The following NDUFS1 variants were observed in gnomAD, a reference collection of about 807,000 sequenced individuals.
NDUFS1 encodes NADH:ubiquinone oxidoreductase core subunit S1, also known as NADH-ubiquinone oxidoreductase 75 kDa subunit, mitochondrial.
NDUFS1 carries 61 observed loss-of-function variants against 84.4 expected under a neutral mutation model. That is an observed-to-expected ratio of 0.72 (90% CI 0.59 to 0.89). The LOEUF (loss-of-function observed/expected upper bound fraction) is 0.89, where lower values mean the gene tolerates loss of function less well. NDUFS1 is among the 40% of genes least tolerant of loss of function. The probability of loss-of-function intolerance (pLI) is 0.00; values close to 1 mark genes in which losing one functional copy is unlikely to be tolerated. For synonymous variants in NDUFS1, 275 were observed against 290.0 expected, an observed-to-expected ratio of 0.95 and a Z score of 0.53; for missense variants, 891 against 890.0, an observed-to-expected ratio of 1.00 and a Z score of -0.01.
intron 8 of NDUFS1, 130 bp downstream of exon 8, chr2:206,146,773 G>A: frequency 1.2e-6 from 1 of 801,974 alleles, no homozygotes; most frequent in African/African-American, 1.7e-5. Context: ...CTATTTAAAG[G>A]GTTTTACATA....
rs770380588 is a variant in NDUFS1, at chr2:206,146,904, T to G, written c.736A>C (p.Arg246=). ...AAATTGTCATAAAATAAAAGATACCTTGTTTCCCAAGGCCGGGCAGTAAAG... is the reference window on the plus strand; with the variant it reads ...AAATTGTCATAAAATAAAAGATACCGTGTTTCCCAAGGCCGGGCAGTAAAG... ...YAFTARPWET[R]KTESIDVMDA... Residue 246 remains arginine, a splice_region_variant and synonymous_variant, in exon 8 of 19, where the codon AGA becomes CGA. Coordinates refer to ENST00000233190, the MANE Select transcript of NDUFS1 (RefSeq NM_005006.7). The G allele has an allele frequency of 7.7e-5, 125 of 1,613,436 alleles. No homozygotes were observed. Among genetic ancestry groups the G allele is most frequent in the Non-Finnish European group, 1.0e-4 (122 of 1,179,546 alleles).
chr2:206,152,588 A>T, intron 2 of NDUFS1, 78 bp from the exon 3 acceptor site: 2 of 1,241,050 alleles, frequency 1.6e-6, no homozygotes, highest in Non-Finnish European at 2.4e-6. Context: ...ATTGACTCTA[A>T]CTACAAACCT....
At chr2:206,143,967 G>T in intron 10 of NDUFS1, 51 bp downstream of exon 10, 1 of 1,440,920 alleles carries the variant, frequency 6.9e-7, no homozygotes. Context: ...TGGCAAAGAT[G>T]TTTCTTGATA....
At chr2:206,130,331 A>G (rs1004696444) in intron 14 of NDUFS1, 89 bp from the exon 15 acceptor site, 1 of 1,473,290 alleles carries the variant, frequency 6.8e-7, no homozygotes, top group Non-Finnish European at 9.3e-7. Flanking sequence ...TCCTTTCAAC[A>G]ATGTCAAAAA....
At chr2:206,158,242 G>T (rs970550363) in intron 1 of NDUFS1, among the ~76,000 whole-genome samples, 1 of 152,168 alleles carries the variant, frequency 6.6e-6, no homozygotes, top group Non-Finnish European at 1.5e-5. Flanking sequence ...GATTACAGGA[G>T]TGAGCCACCG....
intron 12 of NDUFS1, among the ~76,000 whole-genome samples, chr2:206,139,882 A>AAAC (rs1553505084): frequency 8.6e-5 from 13 of 151,232 alleles, no homozygotes; most frequent in African/African-American, 2.9e-4. Context: ...AAAAAAAAAA[A>AAAC]AAAAAAAAAG....
At chr2:206,131,447 C>T (rs1437128486) in intron 14 of NDUFS1, among the ~76,000 whole-genome samples, 1 of 151,998 alleles carries the variant, frequency 6.6e-6, no homozygotes, top group African/African-American at 2.4e-5. Flanking sequence ...GCAATGAAAA[C>T]CTATTGAAAC....
chr2:206,144,000 A>G lies in NDUFS1; in HGVS notation c.987+18T>C. On this transcript the variant is annotated intron_variant, in intron 10 of 18. Coordinates refer to ENST00000233190, the MANE Select transcript of NDUFS1 (RefSeq NM_005006.7). ...ATAATCACAAACACTATTTAACACT[A>G]TTTATTTCAAATTTTACCATTCCAG... The G allele has an allele frequency of 1.3e-6, 2 of 1,560,008 alleles. No individual in the cohort carries two copies. Among genetic ancestry groups the G allele is most frequent in the Non-Finnish European group, 1.8e-6 (2 of 1,131,144 alleles).
intron 18 of NDUFS1, 60 bp from the exon 19 acceptor site, chr2:206,124,336 A>T: frequency 7.9e-7 from 1 of 1,263,762 alleles, no homozygotes; most frequent in Admixed American, 1.7e-5. Flanking sequence ...GCACATACTA[A>T]AACTTTAATG....
rs796444777 is a variant in NDUFS1, at chr2:206,143,917, T to C, written c.987+101A>G. 1.5e-5 allele frequency: 14 copies of C among 963,232 alleles called. No individual in the cohort carries two copies. The African/African-American group carries it at 2.5e-4, about 17-fold the overall frequency. The allele number at this position is 963,232 out of a possible 1,614,324, so 59.7% of individuals were successfully genotyped here. A position where few individuals can be genotyped will look rare whatever the true frequency, so the allele number is the denominator to read the frequency against. On this transcript the variant is annotated intron_variant, in intron 10 of 18. Transcript: ENST00000233190. ...GAAGGAGATTAAATCATAATCTTGG[T>C]AAAAGTAAAAAAGGGAAGAAATATA...
In NDUFS1 at chr2:206,149,929, GAAGTA is replaced by G. The variant is rs762612431; in HGVS notation, c.154-9_154-5del. The stretch of plus-strand genomic sequence containing the variant: ...GCATGCCAACCTTCTCACAAGCCTA[GAAGTA>G]AAAAAAAAAAAAAAAAAAAAAAAAG... On this transcript the variant is annotated splice_polypyrimidine_tract_variant and splice_region_variant and intron_variant, in intron 3 of 18. Coordinates refer to ENST00000233190, the MANE Select transcript of NDUFS1 (RefSeq NM_005006.7). 25 of 336,892 alleles carry G rather than the reference GAAGTA, an allele frequency of 7.4e-5. No homozygotes were observed. Among genetic ancestry groups the G allele is most frequent in the South Asian group, 5.7e-4 (22 of 38,510 alleles). The allele number at this position is 336,892 out of a possible 1,614,324, so 20.9% of individuals were successfully genotyped here.
chr2:206,128,202 G>A lies in NDUFS1; in HGVS notation c.1709-230C>T, dbSNP rs553331188. Among the ~76,000 whole-genome samples, 155 of 152,100 alleles carry A rather than the reference G, an allele frequency of 1.0e-3. 1 individual carries two copies. The highest frequency in any genetic ancestry group is 3.5e-3 in the African/African-American group (145 of 41,524). On this transcript the variant is annotated intron_variant, in intron 15 of 18. Coordinates refer to ENST00000233190, the MANE Select transcript of NDUFS1 (RefSeq NM_005006.7). ...TTTTTTTGAGATGGAGTCTCGCTCT[G>A]TCGCCCAGGCTGGAGTGCAGTGGTG... is the stretch of plus-strand genomic sequence containing the variant.
At chr2:206,144,827 C>G in intron 9 of NDUFS1, 65 bp downstream of exon 9, 1 of 1,519,064 alleles carries the variant, frequency 6.6e-7, no homozygotes, top group South Asian at 1.2e-5. Flanking sequence ...GATAATTCTT[C>G]AAAATTATTA....
At position 206,141,121 on chromosome 2, in the gene NDUFS1, T is replaced by C. The variant is rs186207609; in HGVS notation, c.1262+820A>G. On this transcript the variant is annotated intron_variant, in intron 12 of 18. Coordinates refer to ENST00000233190, the MANE Select transcript of NDUFS1 (RefSeq NM_005006.7). The stretch of plus-strand genomic sequence containing the variant: ...CAAGGAGAGGAGAAAACGGACCTAT[T>C]AGAAATTGTTGCAACTGGGCGTGGC... 3.8e-3 allele frequency among the ~76,000 whole-genome samples: 580 copies of C among 152,070 alleles called. 9 individuals carry two copies. Among genetic ancestry groups the C allele is most frequent in the African/African-American group, 0.013 (557 of 41,504 alleles).
intron 3 of NDUFS1, among the ~76,000 whole-genome samples, chr2:206,150,618 A>G (rs1426827026): frequency 6.6e-6 from 1 of 152,214 alleles, no homozygotes; most frequent in Non-Finnish European, 1.5e-5. Context: ...ATGCAGGTAT[A>G]GTAGTGAAAA....
intron 13 of NDUFS1, among the ~76,000 whole-genome samples, chr2:206,133,909 G>A (rs929488800): frequency 1.3e-5 from 2 of 152,242 alleles, no homozygotes; most frequent in Non-Finnish European, 2.9e-5. Context: ...GAACCTGGGA[G>A]GCGGAGGTTG....
intron 3 of NDUFS1, among the ~76,000 whole-genome samples, chr2:206,152,006 C>T (rs1417436358): frequency 6.6e-6 from 1 of 152,166 alleles, no homozygotes; most frequent in African/African-American, 2.4e-5. Context: ...GCTGGGATTA[C>T]AGGTGCGCGC....
chr2:206,116,005 G>T lies in NDUFS1; in HGVS notation c.*8180C>A. 2 of 742,322 alleles carry T rather than the reference G, an allele frequency of 2.7e-6. No homozygotes were observed. The highest frequency in any genetic ancestry group is 1.4e-5 in the South Asian group (1 of 69,426). 46.0% of individuals were successfully genotyped at this position (742,322 alleles called of 1,614,324 possible). A position where few individuals can be genotyped will look rare whatever the true frequency, so the allele number is the denominator to read the frequency against. ...GTTAACAGTAGTTTTTTTTTCCCAT[G>T]GGTAATGCTAAAAGTTGCTATTCTA... On this transcript the variant is annotated 3_prime_UTR_variant, in exon 19 of 19. Coordinates refer to ENST00000233190, the MANE Select transcript of NDUFS1 (RefSeq NM_005006.7).
chr2:206,137,640 G>A (rs913783646), intron 13 of NDUFS1, among the ~76,000 whole-genome samples: 3 of 152,070 alleles, frequency 2.0e-5, no homozygotes, highest in Non-Finnish European at 4.4e-5. Flanking sequence ...TGTCTCTTCA[G>A]GAATAGACAT....
Sources: gnomAD v4.1 joint callset for allele counts (sites outside exome capture counted in the v4.1 genomes callset) on GRCh38, gnomAD v4.1.1 for gene constraint, MANE v1.5 for transcripts, NCBI Gene and HGNC (gene_info 2026-07-23, HGNC 2026-07-21) for gene names.